The following TAFA2 variants were observed in gnomAD, a reference collection of about 807,000 sequenced individuals.
TAFA2 encodes TAFA chemokine like family member 2.
In TAFA2, 7 loss-of-function variants were observed where a neutral mutation model predicts 18.8. The ratio of observed to expected loss-of-function variants is 0.37; its 90% CI spans 0.21 to 0.70. The LOEUF (loss-of-function observed/expected upper bound fraction) is 0.70, where lower values mean the gene tolerates loss of function less well. Among genes scored for constraint, TAFA2 ranks in the 30% least tolerant of loss-of-function variants. TAFA2 has a pLI of 0.53. For missense variants in TAFA2, 122 were observed against 158.1 expected, an observed-to-expected ratio of 0.77 and a Z score of 1.23; for synonymous variants, 60 against 54.2, an observed-to-expected ratio of 1.11 and a Z score of -0.47.
intron 4 of TAFA2, among the ~76,000 whole-genome samples, chr12:61,740,380 G>A (rs1001311667): frequency 3.3e-5 from 5 of 152,020 alleles, no homozygotes; most frequent in Admixed American, 6.6e-5. Flanking sequence ...AATACCTAAT[G>A]TAGATGATGG....
At chr12:61,728,257 G>C (rs1425877596) in intron 4 of TAFA2, among the ~76,000 whole-genome samples, 1 of 151,968 alleles carries the variant, frequency 6.6e-6, no homozygotes, top group Non-Finnish European at 1.5e-5. Context: ...CTGGGGTATA[G>C]TTTAAGTCCA....
At chr12:61,886,077 C>T (rs1225182464) in intron 1 of TAFA2, among the ~76,000 whole-genome samples, 1 of 152,170 alleles carries the variant, frequency 6.6e-6, no homozygotes, top group Non-Finnish European at 1.5e-5. Flanking sequence ...GGTTAATAGG[C>T]TATGCTTTGG....
At chr12:62,115,313 G>A (rs983356141) in intron 1 of TAFA2, among the ~76,000 whole-genome samples, 2 of 152,070 alleles carry the variant, frequency 1.3e-5, no homozygotes, top group Admixed American at 1.3e-4. Flanking sequence ...ACTCCATGCT[G>A]CAGCAGGAGG....
intron 2 of TAFA2, among the ~76,000 whole-genome samples, chr12:61,771,032 A>C (rs906007030): frequency 1.3e-5 from 2 of 152,098 alleles, no homozygotes; most frequent in Non-Finnish European, 2.9e-5. Flanking sequence ...ACATAAACTT[A>C]AGGTAAAGGA....
At chr12:62,230,943 T>G (rs1260325833) in intron 1 of TAFA2, among the ~76,000 whole-genome samples, 1 of 152,194 alleles carries the variant, frequency 6.6e-6, no homozygotes, top group Non-Finnish European at 1.5e-5. Flanking sequence ...CCCAAAGTGC[T>G]GGGATTATAG....
At chr12:62,177,887 C>T (rs1410188479) in intron 1 of TAFA2, among the ~76,000 whole-genome samples, 1 of 151,652 alleles carries the variant, frequency 6.6e-6, no homozygotes, top group African/African-American at 2.4e-5. Context: ...CCAGTTCTCA[C>T]CAGAATGACT....
chr12:62,157,232 T>G (rs74473768), intron 1 of TAFA2, among the ~76,000 whole-genome samples: 8,461 of 152,192 alleles, frequency 0.056, 326 homozygotes, highest in South Asian at 0.1. Flanking sequence ...AGCCTATGAA[T>G]TTTTTCATAT....
chr12:62,056,093 C>T (rs974845560), intron 1 of TAFA2, among the ~76,000 whole-genome samples: 10 of 152,002 alleles, frequency 6.6e-5, no homozygotes, highest in Admixed American at 5.2e-4. Flanking sequence ...CATTAAAGGC[C>T]GAATTCATTC....
At chr12:62,008,841 C>T (rs370836023) in intron 1 of TAFA2, among the ~76,000 whole-genome samples, 13 of 152,232 alleles carry the variant, frequency 8.5e-5, no homozygotes, top group African/African-American at 2.9e-4. Flanking sequence ...CCTTATTGCA[C>T]ATGATGAGAG....
intron 1 of TAFA2, chr12:61,880,448 G>A: frequency 1.9e-6 from 1 of 539,120 alleles, no homozygotes; most frequent in South Asian, 1.4e-5. Flanking sequence ...TGTATACCAG[G>A]AGCTGATGAA....
chr12:61,815,699 T>C (rs1385297877), intron 2 of TAFA2, among the ~76,000 whole-genome samples: 2 of 150,958 alleles, frequency 1.3e-5, no homozygotes, highest in Non-Finnish European at 2.9e-5. Flanking sequence ...ATCTATTTAT[T>C]GGGGGCTCAA....
rs1174389246 is a variant in TAFA2, at chr12:62,192,000, G to A, written c.-743C>T. On this transcript the variant is annotated 5_prime_UTR_variant, in exon 1 of 5. Coordinates refer to ENST00000416284, the MANE Select transcript of TAFA2 (RefSeq NM_178539.5). The stretch of plus-strand genomic sequence containing the variant: ...TCCAACGTGGCGGAGTTGCTGGGAA[G>A]CTCGGGACAGGAAGGAGGAGAGGCT... 1 of 152,396 alleles carries A rather than the reference G, an allele frequency of 6.6e-6. No individual in the cohort carries two copies. The highest frequency in any genetic ancestry group is 2.4e-5 in the African/African-American group (1 of 41,460). 9.4% of individuals were successfully genotyped at this position (152,396 alleles called of 1,614,324 possible). A position where few individuals can be genotyped will look rare whatever the true frequency, so the allele number is the denominator to read the frequency against.
intron 1 of TAFA2, among the ~76,000 whole-genome samples, chr12:62,067,807 T>C (rs1882529403): frequency 6.6e-6 from 1 of 152,072 alleles, no homozygotes; most frequent in Non-Finnish European, 1.5e-5. Context: ...TCAAGAAATA[T>C]TCAGGTGACT....
intron 1 of TAFA2, among the ~76,000 whole-genome samples, chr12:62,171,439 T>C (rs1302481396): frequency 1.3e-5 from 2 of 152,208 alleles, no homozygotes; most frequent in Non-Finnish European, 2.9e-5. Context: ...TGGCATTTCC[T>C]TTGGTAATTG....
chr12:62,205,503 G>A (rs927606806), intron 1 of TAFA2, among the ~76,000 whole-genome samples: 4 of 152,346 alleles, frequency 2.6e-5, no homozygotes, highest in Middle Eastern at 3.4e-3. Context: ...TGATATCAGA[G>A]TTCTGTTTGT....
chr12:61,968,346 T>G (rs1879136698), intron 1 of TAFA2, among the ~76,000 whole-genome samples: 1 of 151,776 alleles, frequency 6.6e-6, no homozygotes. Flanking sequence ...TGAACAGCAT[T>G]TTCTTGGAGC....
At chr12:62,048,083 T>C (rs1881955425) in intron 1 of TAFA2, among the ~76,000 whole-genome samples, 1 of 152,230 alleles carries the variant, frequency 6.6e-6, no homozygotes. Flanking sequence ...TTCAAATATC[T>C]GAGTTGAATA....
intron 1 of TAFA2, among the ~76,000 whole-genome samples, chr12:62,013,259 A>G (rs1015978681): frequency 6.6e-6 from 1 of 152,200 alleles, no homozygotes; most frequent in African/African-American, 2.4e-5. Context: ...TGTGGTATTT[A>G]CCATAAGGGC....
intron 1 of TAFA2, among the ~76,000 whole-genome samples, chr12:62,102,488 CT>C (rs1869253652): frequency 6.6e-6 from 1 of 152,132 alleles, no homozygotes; most frequent in African/African-American, 2.4e-5. Context: ...CAGCTGGTGA[CT>C]AGGGTAACGT....
Sources: gnomAD v4.1 joint callset for allele counts (sites outside exome capture counted in the v4.1 genomes callset) on GRCh38, gnomAD v4.1.1 for gene constraint, MANE v1.5 for transcripts, NCBI Gene and HGNC (gene_info 2026-07-23, HGNC 2026-07-21) for gene names.